CRPPA: variants seen among roughly 807,000 people sequenced by gnomAD.
The protein encoded by CRPPA is D-ribitol-5-phosphate cytidylyltransferase.
In CRPPA, 43 loss-of-function variants were observed where a neutral mutation model predicts 52.0. That is an observed-to-expected ratio of 0.83 (90% CI 0.65 to 1.07). The LOEUF is 1.07. CRPPA is among the 50% of genes least tolerant of loss of function. The pLI is 0.00. For synonymous variants in CRPPA, 250 were observed against 203.5 expected, an observed-to-expected ratio of 1.23 and a Z score of -1.94; for missense variants, 629 against 551.7, an observed-to-expected ratio of 1.14 and a Z score of -1.40.
chr7:16,376,498 T>C (rs750423135), intron 2 of CRPPA, among the ~76,000 whole-genome samples: 2 of 152,016 alleles, frequency 1.3e-5, no homozygotes, highest in Non-Finnish European at 2.9e-5. Context: ...TCACAGGCCA[T>C]TGAAGTCAAC....
chr7:16,331,353 G>A (rs1402929434), intron 3 of CRPPA, among the ~76,000 whole-genome samples: 5 of 152,048 alleles, frequency 3.3e-5, no homozygotes, highest in Admixed American at 6.5e-5. Flanking sequence ...CTAATCATAG[G>A]ACTATGGAAT....
chr7:16,381,523 T>C (rs1787088689), intron 2 of CRPPA, among the ~76,000 whole-genome samples: 1 of 152,110 alleles, frequency 6.6e-6, no homozygotes, highest in Non-Finnish European at 1.5e-5. Flanking sequence ...GGTGCAGAGC[T>C]GAGTTCAATT....
chr7:16,118,531 C>G (rs895497620), intron 9 of CRPPA, among the ~76,000 whole-genome samples: 2 of 152,138 alleles, frequency 1.3e-5, no homozygotes, highest in African/African-American at 4.8e-5. Flanking sequence ...TACAGAGGCA[C>G]AAATACCAAT....
At chr7:16,393,507 G>C (rs1330395879) in intron 2 of CRPPA, among the ~76,000 whole-genome samples, 1 of 152,096 alleles carries the variant, frequency 6.6e-6, no homozygotes, top group East Asian at 1.9e-4. Flanking sequence ...TTCAATAAAT[G>C]GTGCTAGGCA....
chr7:16,101,855 C>A (rs955702812), intron 9 of CRPPA, among the ~76,000 whole-genome samples: 1 of 152,066 alleles, frequency 6.6e-6, no homozygotes, highest in Non-Finnish European at 1.5e-5. Flanking sequence ...TAGGAAGAAC[C>A]AATAACATGA....
chr7:16,273,332 A>C (rs906444904), intron 6 of CRPPA, among the ~76,000 whole-genome samples: 1 of 151,658 alleles, frequency 6.6e-6, no homozygotes, highest in African/African-American at 2.4e-5. Context: ...CCCATAAAAA[A>C]CCCCAAGCTC....
At chr7:16,334,676 G>A (rs7805439) in intron 3 of CRPPA, among the ~76,000 whole-genome samples, 42,386 of 151,862 alleles carry the variant, frequency 0.28, 6,049 homozygotes, top group Admixed American at 0.33. Flanking sequence ...CTCAACTGAC[G>A]ACAAAGTTGA....
intron 3 of CRPPA, among the ~76,000 whole-genome samples, chr7:16,331,023 G>A (rs1035744559): frequency 1.3e-5 from 2 of 152,060 alleles, no homozygotes; most frequent in Non-Finnish European, 2.9e-5. Flanking sequence ...TTTTTGAGAT[G>A]GAGTCTCGCT....
rs544745756 is a variant in CRPPA, at chr7:16,352,316, C to T, written c.684+23776G>A. 5.3e-5 allele frequency among the ~76,000 whole-genome samples: 8 copies of T among 151,704 alleles called. No individual in the cohort carries two copies. In the East Asian group the frequency reaches 7.8e-4, roughly 15 times the overall value. On this transcript the variant is annotated intron_variant, in intron 3 of 9. Coordinates refer to ENST00000407010, the MANE Select transcript of CRPPA (RefSeq NM_001101426.4). ...ACATTAGGACAAAAAACTTAGATGG[C>T]GGGTTGATAGGTGCAGCAAACCACC... is the stretch of plus-strand genomic sequence containing the variant.
At chr7:16,284,465 A>G (rs1784381817) in intron 5 of CRPPA, among the ~76,000 whole-genome samples, 1 of 152,138 alleles carries the variant, frequency 6.6e-6, no homozygotes, top group African/African-American at 2.4e-5. Context: ...ATTCAATAAG[A>G]ACATAAATTG....
chr7:16,237,818 C>A (rs867026337), intron 8 of CRPPA, among the ~76,000 whole-genome samples: 1 of 152,226 alleles, frequency 6.6e-6, no homozygotes, highest in Non-Finnish European at 1.5e-5. Flanking sequence ...TTCAGACACA[C>A]TCAGTGGCTC....
intron 3 of CRPPA, among the ~76,000 whole-genome samples, chr7:16,362,325 G>T (rs893156327): frequency 2.6e-5 from 4 of 152,182 alleles, no homozygotes; most frequent in African/African-American, 9.7e-5. Context: ...TCTTCTCATG[G>T]TGTCTTCCCA....
intron 5 of CRPPA, among the ~76,000 whole-genome samples, chr7:16,297,849 C>G (rs1784706623): frequency 6.6e-6 from 1 of 152,192 alleles, no homozygotes; most frequent in African/African-American, 2.4e-5. Context: ...CAGCTTGCAG[C>G]TGGCAGATCG....
intron 8 of CRPPA, among the ~76,000 whole-genome samples, chr7:16,223,754 A>G (rs1189029098): frequency 6.6e-6 from 1 of 152,214 alleles, no homozygotes; most frequent in Non-Finnish European, 1.5e-5. Flanking sequence ...CTCAAGAGAA[A>G]TGTAAATGTT....
intron 9 of CRPPA, among the ~76,000 whole-genome samples, chr7:16,114,532 A>C (rs1283910074): frequency 6.6e-6 from 1 of 152,090 alleles, no homozygotes; most frequent in South Asian, 2.1e-4. Flanking sequence ...ATCACCACCA[A>C]AAACAGTAAT....
intron 3 of CRPPA, among the ~76,000 whole-genome samples, chr7:16,352,424 A>C (rs927852111): frequency 6.6e-6 from 1 of 151,542 alleles, no homozygotes. Flanking sequence ...CAAAAAATTT[A>C]AAAAAAAAAT....
intron 2 of CRPPA, among the ~76,000 whole-genome samples, chr7:16,397,600 C>T (rs17169457): frequency 0.029 from 4,371 of 152,238 alleles, 220 homozygotes; most frequent in African/African-American, 0.099. Context: ...AGATTACTGA[C>T]GTGTGACACG....
At chr7:16,314,000 A>T (rs537731638) in intron 3 of CRPPA, among the ~76,000 whole-genome samples, 3 of 152,114 alleles carry the variant, frequency 2.0e-5, no homozygotes, top group East Asian at 1.9e-4. Flanking sequence ...AAGTAACTAG[A>T]TGTCAATTTT....
intron 1 of CRPPA, among the ~76,000 whole-genome samples, chr7:16,416,616 C>A (rs957525940): frequency 6.6e-6 from 1 of 152,022 alleles, no homozygotes; most frequent in Admixed American, 6.6e-5. Context: ...AGGTGGATCA[C>A]CTGAGCGCAG....
Sources: gnomAD v4.1 joint callset for allele counts (sites outside exome capture counted in the v4.1 genomes callset) on GRCh38, gnomAD v4.1.1 for gene constraint, MANE v1.5 for transcripts, NCBI Gene and HGNC (gene_info 2026-07-23, HGNC 2026-07-21) for gene names.